CDH13: variants seen among roughly 807,000 people sequenced by gnomAD.
CDH13 encodes the protein cadherin-13.
CDH13 carries 24 observed loss-of-function variants against 63.8 expected under a neutral mutation model. The observed-to-expected ratio is 0.38, with a 90% confidence interval of 0.27 to 0.53. The LOEUF is 0.53. CDH13 is among the 20% of genes least tolerant of loss of function. CDH13 has a pLI of 0.85. For synonymous variants in CDH13, 503 were observed against 355.3 expected (o/e 1.42, Z -4.67); for missense variants, 1,049 against 903.1 (o/e 1.16, Z -2.07).
At chr16:83,774,793 G>A (rs1914994416) in intron 11 of CDH13, among the ~76,000 whole-genome samples, 2 of 152,200 alleles carry the variant, frequency 1.3e-5, no homozygotes, top group African/African-American at 4.8e-5. Flanking sequence ...AAGGGGAATG[G>A]GGACTTGGTG....
At chr16:83,458,380 C>G (rs1031401317) in intron 6 of CDH13, among the ~76,000 whole-genome samples, 1 of 152,180 alleles carries the variant, frequency 6.6e-6, no homozygotes, top group African/African-American at 2.4e-5. Context: ...CTCCTAATTC[C>G]TCCCCAACAC....
At chr16:83,156,424 T>A (rs77876646) in intron 4 of CDH13, among the ~76,000 whole-genome samples, 1 of 152,250 alleles carries the variant, frequency 6.6e-6, no homozygotes, top group African/African-American at 2.4e-5. Flanking sequence ...TCCATGGCCC[T>A]CTAAGATACA....
intron 7 of CDH13, among the ~76,000 whole-genome samples, chr16:83,589,240 T>G: frequency 1.0e-5 from 1 of 98,020 alleles, no homozygotes; most frequent in Non-Finnish European, 2.1e-5. Flanking sequence ...CCCATCCCCC[T>G]CCCTCTTCTC....
chr16:82,830,573 G>T (rs922424776), intron 1 of CDH13, among the ~76,000 whole-genome samples: 3 of 152,170 alleles, frequency 2.0e-5, no homozygotes, highest in Non-Finnish European at 4.4e-5. Context: ...AAGATGTAAG[G>T]ATGTGCTCTC....
chr16:83,760,530 C>G (rs1436740870), intron 11 of CDH13, among the ~76,000 whole-genome samples: 2 of 152,200 alleles, frequency 1.3e-5, no homozygotes, highest in African/African-American at 2.4e-5. Flanking sequence ...TGCAACTATT[C>G]ACAACATCAT....
At chr16:82,939,954 G>A (rs12596361) in intron 2 of CDH13, among the ~76,000 whole-genome samples, 10,191 of 152,250 alleles carry the variant, frequency 0.067, 723 homozygotes, top group East Asian at 0.36. Flanking sequence ...CATGGTGGAA[G>A]GTGAAGAGGA....
intron 6 of CDH13, among the ~76,000 whole-genome samples, chr16:83,465,307 A>T (rs1482171039): frequency 1.3e-5 from 2 of 152,172 alleles, no homozygotes; most frequent in African/African-American, 4.8e-5. Context: ...AACATAACTG[A>T]GTGAGCTTCT....
intron 3 of CDH13, among the ~76,000 whole-genome samples, chr16:83,107,647 T>C (rs2034838218): frequency 6.6e-6 from 1 of 151,988 alleles, no homozygotes; most frequent in African/African-American, 2.4e-5. Context: ...GCTGAGGAAC[T>C]GAAAACAGGT....
chr16:83,775,494 T>C (rs942040993), intron 11 of CDH13, among the ~76,000 whole-genome samples: 4 of 152,152 alleles, frequency 2.6e-5, no homozygotes, highest in African/African-American at 9.7e-5. Flanking sequence ...GTTAGACTTC[T>C]CTGATCCTTA....
intron 6 of CDH13, among the ~76,000 whole-genome samples, chr16:83,407,640 A>G (rs1400685884): frequency 6.6e-6 from 1 of 152,224 alleles, no homozygotes; most frequent in African/African-American, 2.4e-5. Context: ...CCCACTAAAC[A>G]TTTCAGGGGA....
At chr16:83,516,741 C>T (rs2074706754) in intron 7 of CDH13, among the ~76,000 whole-genome samples, 1 of 152,160 alleles carries the variant, frequency 6.6e-6, no homozygotes, top group South Asian at 2.1e-4. Flanking sequence ...AGCTGCCTCC[C>T]CTGTCATCAT....
chr16:83,120,303 G>A (rs1356649924), intron 3 of CDH13, among the ~76,000 whole-genome samples: 1 of 152,204 alleles, frequency 6.6e-6, no homozygotes, highest in Non-Finnish European at 1.5e-5. Flanking sequence ...CTGGTGAGCT[G>A]GGAGGACACC....
chr16:82,773,836 T>G (rs576427428), intron 1 of CDH13, among the ~76,000 whole-genome samples: 1 of 151,636 alleles, frequency 6.6e-6, no homozygotes, highest in East Asian at 1.9e-4. Context: ...CAGGCTGGAG[T>G]GCAATTGCGC....
chr16:83,464,162 C>A (rs911199872), intron 6 of CDH13, among the ~76,000 whole-genome samples: 2 of 152,212 alleles, frequency 1.3e-5, no homozygotes, highest in East Asian at 3.9e-4. Context: ...CAACCTCTAC[C>A]GTCCTGGTTC....
At position 83,672,892 on chromosome 16, in the gene CDH13, C is replaced by T. The variant is rs561928253; in HGVS notation, c.1284+1920C>T. On this transcript the variant is annotated intron_variant, in intron 9 of 13. Transcript: ENST00000567109. ...GATTTTATAGACTCAGGACTAGCCA[C>T]GGAGGACAGCCAGTGGCTATGTCAT... Among the ~76,000 whole-genome samples, 6 of 152,290 alleles carry T rather than the reference C, an allele frequency of 3.9e-5. No individual in the cohort carries two copies. In the East Asian group the frequency reaches 7.7e-4, roughly 20 times the overall value.
Position 83,344,872 on chromosome 16 carries a change from A to C in CDH13, c.647A>C (p.Glu216Ala). The change falls in exon 6 of 14, where the codon GAG becomes GCG. Residue 216 changes from glutamate (E) to alanine (A), a missense_variant. Coordinates refer to ENST00000567109, the MANE Select transcript of CDH13 (RefSeq NM_001257.5). Reference protein sequence around the residue: ...EVIAVYQLFVETTDVNGKTLE... With the variant: ...EVIAVYQLFVATTDVNGKTLE... ...TCTTTGCTCAAATAGCTATTTGTGG[A>C]GACCACTGATGTCAATGGCAAAACT... 3 of 1,613,776 alleles carry C rather than the reference A, an allele frequency of 1.9e-6. No homozygotes were observed. The highest frequency in any genetic ancestry group is 2.5e-6 in the Non-Finnish European group (3 of 1,179,728).
chr16:83,443,406 G>T (rs564660934), intron 6 of CDH13, among the ~76,000 whole-genome samples: 5 of 152,258 alleles, frequency 3.3e-5, no homozygotes, highest in African/African-American at 1.2e-4. Context: ...AGTGCGTGTT[G>T]AATGTTACGA....
chr16:83,635,176 C>G (rs1323024694), intron 8 of CDH13, among the ~76,000 whole-genome samples: 2 of 152,020 alleles, frequency 1.3e-5, no homozygotes, highest in Non-Finnish European at 1.5e-5. Context: ...TAATTTGCAT[C>G]TCCCTAATAA....
chr16:83,115,751 G>T (rs2035262425), intron 3 of CDH13, among the ~76,000 whole-genome samples: 1 of 152,204 alleles, frequency 6.6e-6, no homozygotes, highest in Non-Finnish European at 1.5e-5. Flanking sequence ...AAACAAGTTT[G>T]CCCAGAAGTT....
Sources: allele counts gnomAD v4.1 joint callset (sites outside exome capture counted in the v4.1 genomes callset), GRCh38; gene constraint gnomAD v4.1.1; transcripts MANE v1.5; gene names NCBI Gene and HGNC (gene_info 2026-07-23, HGNC 2026-07-21).